B4GALNT4: variants seen among roughly 807,000 people sequenced by gnomAD.
The protein encoded by B4GALNT4 is N-acetyl-beta-glucosaminyl-glycoprotein 4-beta-N-acetylgalactosaminyltransferase 1.
B4GALNT4 carries 77 observed loss-of-function variants against 110.0 expected under a neutral mutation model. That is an observed-to-expected ratio of 0.70 (90% CI 0.58 to 0.85). The LOEUF is 0.85. B4GALNT4 is among the 40% of genes least tolerant of loss of function. The probability of loss-of-function intolerance (pLI) is 0.00; values close to 1 mark genes in which losing one functional copy is unlikely to be tolerated. For synonymous variants in B4GALNT4, 785 were observed against 655.5 expected (o/e 1.20, Z -3.02); for missense variants, 1,575 against 1,506.0 (o/e 1.05, Z -0.76).
intron 7 of B4GALNT4, 48 bp from the exon 8 acceptor site, chr11:373,702 A>G (rs1273691443): frequency 1.3e-6 from 2 of 1,592,812 alleles, no homozygotes; most frequent in Admixed American, 1.7e-5. Flanking sequence ...TGCCTCCACT[A>G]TTTGAGCGTC....
Position 373,120 on chromosome 11 carries a change from C to T in B4GALNT4, c.535+4C>T, listed in dbSNP as rs376767141. 1.0e-4 allele frequency: 165 copies of T among 1,612,388 alleles called. No homozygotes were observed. The highest frequency in any genetic ancestry group is 1.2e-4 in the Non-Finnish European group (146 of 1,179,876). ...TTCATCCACCCGGCGAGGGACGGTA[C>T]GGGGGTGAGGGTGCCCCGGGGGAGG... On this transcript the variant is annotated splice_donor_region_variant and intron_variant, in intron 5 of 19. Coordinates refer to ENST00000329962, the MANE Select transcript of B4GALNT4 (RefSeq NM_178537.5).
chr11:374,117 C>A (rs981822649), intron 8 of B4GALNT4, among the ~76,000 whole-genome samples: 1 of 151,588 alleles, frequency 6.6e-6, no homozygotes, highest in African/African-American at 2.4e-5. Flanking sequence ...ACAAGAACAG[C>A]GAAGGAACAG....
chr11:375,416 C>T (rs1414654681), intron 8 of B4GALNT4, 45 bp from the exon 9 acceptor site: 4 of 1,603,698 alleles, frequency 2.5e-6, no homozygotes, highest in Non-Finnish European at 2.6e-6. Flanking sequence ...TTCCCTGGAC[C>T]CAGCCACCGC....
intron 8 of B4GALNT4, among the ~76,000 whole-genome samples, chr11:374,410 G>T (rs543586271): frequency 1.3e-5 from 2 of 151,394 alleles, no homozygotes; most frequent in East Asian, 2.0e-4. Flanking sequence ...TGGTGGGTGT[G>T]GGGGGCAGCA....
chr11:378,152 CAG>C (rs1345537643), intron 14 of B4GALNT4, among the ~76,000 whole-genome samples: 1 of 151,664 alleles, frequency 6.6e-6, no homozygotes, highest in African/African-American at 2.4e-5. Flanking sequence ...AGGTTGCGAG[CAG>C]AGCAAAGGCA....
intron 14 of B4GALNT4, 99 bp from the exon 15 acceptor site, chr11:379,319 A>T: frequency 7.5e-7 from 1 of 1,338,250 alleles, no homozygotes; most frequent in Non-Finnish European, 9.7e-7. Flanking sequence ...GCCTCCGCCA[A>T]CTCCAAGTCG....
At chr11:375,432 C>G (rs371323687) in intron 8 of B4GALNT4, 29 bp from the exon 9 acceptor site, 4 of 1,610,452 alleles carry the variant, frequency 2.5e-6, no homozygotes, top group East Asian at 4.5e-5. Context: ...ACCGCCCTGT[C>G]CCTGACCCCC....
Position 380,836 on chromosome 11 carries a change from G to T in B4GALNT4, c.2881G>T (p.Val961Leu), listed in dbSNP as rs372741354. Residue 961 changes from valine to leucine, a missense_variant, in exon 19 of 20, where the codon GTG (valine) becomes TTG (leucine). By Grantham distance (32) the Val-to-Leu change is conservative (BLOSUM62 1). Transcript: ENST00000329962. ...SPRDPHGYWE[V>L]NGFGLFGIYK... ...CCCTCCCGCCCCAGGTTACTGGGAG[G>T]TGAACGGCTTTGGCCTTTTTGGGAT... The T allele has an allele frequency of 6.2e-7, 1 of 1,613,896 alleles. No individual in the cohort carries two copies. Among genetic ancestry groups the T allele is most frequent in the Non-Finnish European group, 8.5e-7 (1 of 1,179,906 alleles).
At chr11:374,117 C>T (rs981822649) in intron 8 of B4GALNT4, among the ~76,000 whole-genome samples, 34 of 151,706 alleles carry the variant, frequency 2.2e-4, no homozygotes, top group East Asian at 5.9e-4. Flanking sequence ...ACAAGAACAG[C>T]GAAGGAACAG....
At chr11:371,955 A>G (rs1846625175) in intron 1 of B4GALNT4, among the ~76,000 whole-genome samples, 154 bp from the exon 2 acceptor site, 1 of 152,190 alleles carries the variant, frequency 6.6e-6, no homozygotes, top group African/African-American at 2.4e-5. Flanking sequence ...GTGGCAGAGG[A>G]AGCAGATGAG....
chr11:373,491 A>C lies in B4GALNT4; in HGVS notation c.679A>C (p.Ser227Arg). 1 of 1,608,900 alleles carries C rather than the reference A, an allele frequency of 6.2e-7. No individual in the cohort carries two copies. Among genetic ancestry groups the C allele is most frequent in the Non-Finnish European group, 8.5e-7 (1 of 1,179,210 alleles). ...AGCGCCTGGAGAATTCACCAAGTTCAGCTCCCAGGTGTCCAAGCCCAGGCG... is the reference window on the plus strand; with the variant it reads ...AGCGCCTGGAGAATTCACCAAGTTCCGCTCCCAGGTGTCCAAGCCCAGGCG... ...WTAPGEFTKF[S>R]SQVSKPRRLM... The change falls in exon 7 of 20, where the codon AGC becomes CGC. Residue 227 changes from serine (S) to arginine (R), a missense_variant. Physicochemically the swap from Ser to Arg is moderately radical, Grantham distance 110. Coordinates refer to ENST00000329962, the MANE Select transcript of B4GALNT4 (RefSeq NM_178537.5).
At chr11:370,202 A>G (rs1203288867) in intron 1 of B4GALNT4, among the ~76,000 whole-genome samples, 1 of 151,758 alleles carries the variant, frequency 6.6e-6, no homozygotes, top group Admixed American at 6.6e-5. Context: ...TGACGTCGGC[A>G]GTGACGCGCG....
Position 377,182 on chromosome 11 carries a change from A to C in B4GALNT4, c.2059A>C (p.Ser687Arg), listed in dbSNP as rs1198773559. The C allele has an allele frequency of 6.3e-7, 1 of 1,578,662 alleles. No homozygotes were observed. The highest frequency in any genetic ancestry group is 1.8e-5 in the Admixed American group (1 of 55,474). ...EDAIDWQRTF[S>R]VGAVDFELLR... ...CGCCATCGACTGGCAGCGCACGTTC[A>C]GCGTGGGCGCCGTGGACTTCGAGCT... Residue 687 changes from serine (S) to arginine (R), a missense_variant, in exon 14 of 20, where the codon AGC (serine) becomes CGC (arginine). Ser to Arg is a moderately radical substitution (Grantham distance 110). Coordinates refer to ENST00000329962, the MANE Select transcript of B4GALNT4 (RefSeq NM_178537.5).
Position 379,914 on chromosome 11 carries a change from C to T in B4GALNT4, c.2537C>T (p.Ala846Val). 6.2e-7 allele frequency: 1 copy of T among 1,609,858 alleles called. No homozygotes were observed. The highest frequency in any genetic ancestry group is 8.5e-7 in the Non-Finnish European group (1 of 1,179,670). ...WVAQFLADMA[A>V]LHARTGDSRF... The stretch of plus-strand genomic sequence containing the variant: ...GCACAGTTCCTGGCGGACATGGCTG[C>T]GCTGCACGCGCGCACCGGGGACTCG... The change falls in exon 16 of 20, where the codon GCG becomes GTG. Residue 846 changes from alanine (A) to valine (V), a missense_variant. Physicochemically the swap from Ala to Val is moderately conservative, Grantham distance 64. Transcript: ENST00000329962.
rs907574045 is a variant in B4GALNT4, at chr11:373,911, C to T, written c.783+83C>T. ...AGGACAACCGCAATGGGGTCCCCGT[C>T]CCAAAGTTGACAAAGCAGATGGTCA... On this transcript the variant is annotated intron_variant, in intron 8 of 19. Transcript: ENST00000329962. 1.7e-5 allele frequency: 24 copies of T among 1,394,956 alleles called. No individual in the cohort carries two copies. In the African/African-American group the frequency reaches 2.4e-4, roughly 14 times the overall value. The allele number at this position is 1,394,956 out of a possible 1,614,324, so 86.4% of individuals were successfully genotyped here.
At chr11:381,083 G>C in intron 19 of B4GALNT4, 132 bp downstream of exon 19, 1 of 1,469,132 alleles carries the variant, frequency 6.8e-7, no homozygotes, top group Non-Finnish European at 9.0e-7. Context: ...GGTCTTCCCA[G>C]TATCCTGTAG....
At chr11:378,018 G>T (rs1258298644) in intron 14 of B4GALNT4, among the ~76,000 whole-genome samples, 1 of 152,250 alleles carries the variant, frequency 6.6e-6, no homozygotes. Context: ...GCAGAGGCAG[G>T]GGCAGAGGAT....
chr11:380,102 G>C, intron 16 of B4GALNT4, 28 bp from the exon 17 acceptor site: 1 of 1,594,208 alleles, frequency 6.3e-7, no homozygotes, highest in East Asian at 2.2e-5. Flanking sequence ...CACCCCCAGA[G>C]ATCGTGCCTG....
intron 18 of B4GALNT4, 43 bp from the exon 19 acceptor site, chr11:380,782 G>A (rs1295128514): frequency 6.2e-7 from 1 of 1,613,296 alleles, no homozygotes; most frequent in Non-Finnish European, 8.5e-7. Context: ...GGACCTTGCA[G>A]GACCTGGTCT....
Sources: allele counts gnomAD v4.1 joint callset (sites outside exome capture counted in the v4.1 genomes callset), GRCh38; gene constraint gnomAD v4.1.1; transcripts MANE v1.5; gene names NCBI Gene and HGNC (gene_info 2026-07-23, HGNC 2026-07-21).